CUX1: variants seen among roughly 807,000 people sequenced by gnomAD.
CUX1 encodes cut like homeobox 1, also known as protein CASP.
A neutral mutation model predicts 158.8 loss-of-function variants in CUX1; 31 were observed. The observed-to-expected ratio is 0.20, with a 90% CI of 0.15 to 0.26. CUX1 has a LOEUF of 0.26. Ranked by LOEUF, CUX1 falls within the 10% of genes least tolerant of loss-of-function variation. The pLI is 1.00. For missense variants in CUX1, 1,589 were observed against 2,014.6 expected (o/e 0.79, Z 4.04); for synonymous variants, 879 against 862.1 (o/e 1.02, Z -0.34).
intron 4 of CUX1, among the ~76,000 whole-genome samples, chr7:102,093,502 T>TA (rs1828868488): frequency 6.6e-6 from 1 of 152,188 alleles, no homozygotes; most frequent in Non-Finnish European, 1.5e-5. Context: ...GCAGAAATCA[T>TA]ACTGAGAATT....
At chr7:101,920,072 A>G (rs1311796216) in intron 2 of CUX1, among the ~76,000 whole-genome samples, 2 of 151,502 alleles carry the variant, frequency 1.3e-5, no homozygotes, top group East Asian at 3.9e-4. Flanking sequence ...GGATTACAGG[A>G]ACGTGGCACC....
intron 2 of CUX1, among the ~76,000 whole-genome samples, chr7:101,923,727 A>C (rs1009682546): frequency 6.6e-6 from 1 of 152,202 alleles, no homozygotes; most frequent in African/African-American, 2.4e-5. Flanking sequence ...TCAGATGCAC[A>C]TGATGTCACA....
At chr7:101,904,502 A>G (rs947301997) in intron 1 of CUX1, among the ~76,000 whole-genome samples, 13 of 152,074 alleles carry the variant, frequency 8.5e-5, no homozygotes, top group African/African-American at 3.1e-4. Flanking sequence ...TTGGGAGTTA[A>G]TATCAAATGA....
chr7:102,234,262 G>A (rs375221866), intron 22 of CUX1, 22 bp downstream of exon 22: 43 of 1,494,756 alleles, frequency 2.9e-5, no homozygotes, highest in Non-Finnish European at 3.7e-5. Flanking sequence ...TGCCCCGCCC[G>A]GGCCGGCTGC....
chr7:102,030,689 G>GTGTTTTTTTTTTTTTTTGTTTTGTTTTT (rs1554459461), intron 3 of CUX1, among the ~76,000 whole-genome samples: 1 of 82,540 alleles, frequency 1.2e-5, no homozygotes, highest in Non-Finnish European at 2.1e-5. Context: ...ATTTTAAAAA[G>GTGTTTTTTTTTTTTTTTGTTTTGTTTTT]TGTTTTTTTT....
intron 8 of CUX1, among the ~76,000 whole-genome samples, chr7:102,145,922 G>A (rs2131441331): frequency 6.6e-6 from 1 of 152,234 alleles, no homozygotes; most frequent in South Asian, 2.1e-4. Flanking sequence ...ACTCCAGCCT[G>A]GGCAGTAGAG....
At chr7:102,260,829 G>A (rs1489431329), downstream of CUX1, among the ~76,000 whole-genome samples, 1 of 152,208 alleles carries the variant, frequency 6.6e-6, no homozygotes, top group Non-Finnish European at 1.5e-5. Context: ...CAATGGTCCT[G>A]TGTGCTTCTG....
chr7:102,133,093 G>A (rs1338758695), intron 8 of CUX1, among the ~76,000 whole-genome samples: 6 of 152,142 alleles, frequency 3.9e-5, no homozygotes, highest in African/African-American at 1.4e-4. Flanking sequence ...TCTAAAATCT[G>A]TCTGATCCTG....
At chr7:101,871,699 G>C (rs536520078) in intron 1 of CUX1, among the ~76,000 whole-genome samples, 1 of 152,140 alleles carries the variant, frequency 6.6e-6, no homozygotes, top group African/African-American at 2.4e-5. Context: ...CCTTGCCAGC[G>C]TCGCCTCGCA....
intron 1 of CUX1, among the ~76,000 whole-genome samples, chr7:101,862,675 T>C (rs1418956179): frequency 6.6e-6 from 1 of 152,008 alleles, no homozygotes; most frequent in Non-Finnish European, 1.5e-5. Context: ...AAACCTGGTG[T>C]AATTTGCAAG....
intron 2 of CUX1, among the ~76,000 whole-genome samples, chr7:101,984,552 C>A (rs142188224): frequency 6.6e-6 from 1 of 150,424 alleles, no homozygotes; most frequent in Middle Eastern, 3.2e-3. Context: ...CACTCTCAGG[C>A]GAGCTGTTGG....
intron 5 of CUX1, among the ~76,000 whole-genome samples, chr7:102,103,519 C>T (rs532205753): frequency 1.3e-5 from 2 of 152,262 alleles, no homozygotes; most frequent in African/African-American, 4.8e-5. Context: ...CAGCTTCAAA[C>T]TCCTGGGTTC....
chr7:102,023,382 G>C (rs972680544), intron 2 of CUX1, among the ~76,000 whole-genome samples: 18 of 152,298 alleles, frequency 1.2e-4, no homozygotes, highest in Middle Eastern at 3.4e-3. Context: ...TTCTGGTGCT[G>C]TCCAGACAGC....
At chr7:101,926,479 T>C (rs1031062155) in intron 2 of CUX1, among the ~76,000 whole-genome samples, 5 of 152,092 alleles carry the variant, frequency 3.3e-5, no homozygotes, top group Non-Finnish European at 7.4e-5. Context: ...CAGGGGCCTG[T>C]AGGGAAGAGG....
chr7:102,281,994 GT>G, intron 21 of CUX1: 1 of 1,072,674 alleles, frequency 9.3e-7, no homozygotes, highest in Non-Finnish European at 1.4e-6. Context: ...GCAGGGGCCT[GT>G]TACGGTGGCC....
At chr7:101,851,030 G>A (rs1490930870) in intron 1 of CUX1, among the ~76,000 whole-genome samples, 1 of 152,126 alleles carries the variant, frequency 6.6e-6, no homozygotes, top group Non-Finnish European at 1.5e-5. Flanking sequence ...GATTGCTTAA[G>A]CTGGGGAGGT....
At chr7:102,164,420 GCGCAGTGGCATGTTCTCCTAGCC>G (rs1790790400) in intron 9 of CUX1, among the ~76,000 whole-genome samples, 1 of 152,264 alleles carries the variant, frequency 6.6e-6, no homozygotes, top group Non-Finnish European at 1.5e-5. Context: ...ACAGGCTGGA[GCGCAGTGGCATGTTCTCCTAGCC>G]CACAGTGGGG....
At chr7:101,841,084 G>A (rs1214769303) in intron 1 of CUX1, among the ~76,000 whole-genome samples, 1 of 151,940 alleles carries the variant, frequency 6.6e-6, no homozygotes, top group Non-Finnish European at 1.5e-5. Context: ...TAATAGAGAC[G>A]GGGTTTCACC....
intron 8 of CUX1, among the ~76,000 whole-genome samples, chr7:102,155,319 G>A (rs77796834): frequency 6.6e-6 from 1 of 151,852 alleles, no homozygotes; most frequent in African/African-American, 2.4e-5. Flanking sequence ...CAAAGCGGGT[G>A]GATGGCTTGA....
Sources: allele counts gnomAD v4.1 joint callset (sites outside exome capture counted in the v4.1 genomes callset), GRCh38; gene constraint gnomAD v4.1.1; transcripts MANE v1.5; gene names NCBI Gene and HGNC (gene_info 2026-07-23, HGNC 2026-07-21).